The following SEPTIN7 variants were observed in gnomAD, a reference collection of about 807,000 sequenced individuals.
SEPTIN7 encodes the protein septin 7.
In SEPTIN7, 10 loss-of-function variants were observed where a neutral mutation model predicts 63.3. That is an observed-to-expected ratio of 0.16 (90% CI 0.10 to 0.27). The LOEUF is 0.27. Among genes scored for constraint, SEPTIN7 ranks in the 10% least tolerant of loss-of-function variants. SEPTIN7 has a pLI of 1.00. For missense variants in SEPTIN7, 310 were observed against 521.0 expected, an observed-to-expected ratio of 0.59 and a Z score of 3.94; for synonymous variants, 131 against 165.3, an observed-to-expected ratio of 0.79 and a Z score of 1.59.
chr7:35,817,301 A>G (rs939565056), intron 1 of SEPTIN7, among the ~76,000 whole-genome samples: 20 of 152,094 alleles, frequency 1.3e-4, no homozygotes, highest in African/African-American at 4.3e-4. Context: ...TGTTGAAAAG[A>G]CTAGTCTTTT....
At chr7:35,858,362 C>T (rs1441879188) in intron 3 of SEPTIN7, among the ~76,000 whole-genome samples, 2 of 152,030 alleles carry the variant, frequency 1.3e-5, no homozygotes, top group Non-Finnish European at 2.9e-5. Context: ...TTGCTGATTT[C>T]TGTTCTTTTT....
intron 12 of SEPTIN7, chr7:35,901,361 C>A (rs1489972403): frequency 6.6e-6 from 1 of 152,098 alleles, no homozygotes; most frequent in Non-Finnish European, 1.5e-5. Flanking sequence ...ACTGCAAAAC[C>A]TAACATGAAC....
At chr7:35,911,566 A>C (rs536227139), downstream of SEPTIN7, among the ~76,000 whole-genome samples, 155 of 152,264 alleles carry the variant, frequency 1.0e-3, no homozygotes, top group South Asian at 1.7e-3. Context: ...CTTAAATTGC[A>C]CCTCTCAGTC....
intron 13 of SEPTIN7, among the ~76,000 whole-genome samples, chr7:35,903,788 T>G (rs954726545): frequency 2.0e-5 from 3 of 152,210 alleles, no homozygotes; most frequent in Non-Finnish European, 4.4e-5. Flanking sequence ...TTATATAGTT[T>G]ATCCTCATTA....
chr7:35,885,339 TCTCTCTTTTGTAGTTTAC>T (rs1363921992), intron 9 of SEPTIN7, among the ~76,000 whole-genome samples: 1 of 152,120 alleles, frequency 6.6e-6, no homozygotes, highest in Admixed American at 6.6e-5. Context: ...TTGATTTGCA[TCTCTCTTTTGTAGTTTAC>T]CCCTCTACTC....
intron 4 of SEPTIN7, among the ~76,000 whole-genome samples, chr7:35,869,958 C>T (rs1786044911): frequency 2.6e-5 from 4 of 152,120 alleles, no homozygotes; most frequent in African/African-American, 9.7e-5. Flanking sequence ...AAGGAAAGTG[C>T]GTGGGAAAGT....
chr7:35,859,356 GA>G (rs1175281621), intron 3 of SEPTIN7, among the ~76,000 whole-genome samples: 2 of 151,952 alleles, frequency 1.3e-5, no homozygotes, highest in Non-Finnish European at 2.9e-5. Flanking sequence ...ATTATAATGG[GA>G]AAAAATGCTT....
At chr7:35,862,329 A>G (rs985028745) in intron 3 of SEPTIN7, among the ~76,000 whole-genome samples, 7 of 152,136 alleles carry the variant, frequency 4.6e-5, no homozygotes, top group Non-Finnish European at 8.8e-5. Context: ...TCTAAACACA[A>G]TTTATTGAGT....
intron 3 of SEPTIN7, among the ~76,000 whole-genome samples, chr7:35,840,712 T>G (rs1784369233): frequency 6.6e-6 from 1 of 152,204 alleles, no homozygotes; most frequent in South Asian, 2.1e-4. Context: ...ATGTTATGAC[T>G]GTTTTAGATG....
chr7:35,829,306 A>AT (rs1783700691), intron 1 of SEPTIN7, among the ~76,000 whole-genome samples: 1 of 151,236 alleles, frequency 6.6e-6, no homozygotes, highest in African/African-American at 2.4e-5. Flanking sequence ...GTCCCGGCTA[A>AT]TTTTTTGTAT....
At chr7:35,864,443 C>T (rs1314108299) in intron 4 of SEPTIN7, among the ~76,000 whole-genome samples, 3 of 152,080 alleles carry the variant, frequency 2.0e-5, no homozygotes, top group Non-Finnish European at 2.9e-5. Context: ...TTAAATAGTA[C>T]AGCAGCCTGT....
intron 10 of SEPTIN7, 59 bp from the exon 11 acceptor site, chr7:35,890,609 T>G (rs528437175): frequency 2.2e-6 from 3 of 1,337,886 alleles, no homozygotes; most frequent in Admixed American, 2.9e-5. Flanking sequence ...TAAAACTTTT[T>G]AAGCTTTTTT....
rs1191771507 is a variant in SEPTIN7 at position 35,892,084 on chromosome 7, G to T, written c.998+1291G>T. Among the ~76,000 whole-genome samples, 3 of 152,250 alleles carry T rather than the reference G, an allele frequency of 2.0e-5. No individual in the cohort carries two copies. The South Asian group carries it at 6.2e-4, about 32-fold the overall frequency. ...CCCTTGTTTACTGAAATGTCATTATGCAGTACATAGCTATATTGCAAAACC... is the reference window on the plus strand; with the variant it reads ...CCCTTGTTTACTGAAATGTCATTATTCAGTACATAGCTATATTGCAAAACC... On this transcript the variant is annotated intron_variant, in intron 11 of 13. Transcript: ENST00000350320.
At chr7:35,811,556 A>C (rs1184044915) in intron 1 of SEPTIN7, among the ~76,000 whole-genome samples, 1 of 152,156 alleles carries the variant, frequency 6.6e-6, no homozygotes, top group Non-Finnish European at 1.5e-5. Context: ...AGACTCTATA[A>C]CTCACTAGGT....
At chr7:35,848,553 G>A (rs904217105) in intron 3 of SEPTIN7, among the ~76,000 whole-genome samples, 3 of 152,110 alleles carry the variant, frequency 2.0e-5, no homozygotes, top group African/African-American at 7.2e-5. Context: ...TGATCAATTA[G>A]AATTTCAGGT....
chr7:35,850,433 T>C (rs1784903880), intron 3 of SEPTIN7, among the ~76,000 whole-genome samples: 2 of 152,178 alleles, frequency 1.3e-5, no homozygotes, highest in African/African-American at 2.4e-5. Flanking sequence ...GATCACCAGC[T>C]CCTCTCAGGC....
intron 6 of SEPTIN7, among the ~76,000 whole-genome samples, chr7:35,877,825 G>A (rs994569491): frequency 2.0e-5 from 3 of 152,146 alleles, no homozygotes; most frequent in Non-Finnish European, 4.4e-5. Context: ...TAAGGCCCTC[G>A]CTGTAGAGGG....
intron 3 of SEPTIN7, among the ~76,000 whole-genome samples, chr7:35,834,235 T>A (rs1419613899): frequency 6.6e-6 from 1 of 151,972 alleles, no homozygotes; most frequent in African/African-American, 2.4e-5. Flanking sequence ...CGGGAAAACC[T>A]CCTAGGTCCA....
intron 7 of SEPTIN7, among the ~76,000 whole-genome samples, chr7:35,880,819 T>TC (rs1046203069): frequency 6.6e-6 from 1 of 152,110 alleles, no homozygotes; most frequent in African/African-American, 2.4e-5. Flanking sequence ...TTTTCTAGAC[T>TC]CACGTCTAGT....
Sources: allele counts gnomAD v4.1 joint callset (sites outside exome capture counted in the v4.1 genomes callset), GRCh38; gene constraint gnomAD v4.1.1; transcripts MANE v1.5; gene names NCBI Gene and HGNC (gene_info 2026-07-23, HGNC 2026-07-21).